RALGAPA1: variants seen among roughly 807,000 people sequenced by gnomAD.
RALGAPA1 encodes the protein Ral GTPase activating protein catalytic subunit alpha 1.
In RALGAPA1, 52 loss-of-function variants were observed where a neutral mutation model predicts 269.6. That is an observed-to-expected ratio of 0.19 (90% CI 0.15 to 0.24). The LOEUF (loss-of-function observed/expected upper bound fraction) is 0.24, where lower values mean the gene tolerates loss of function less well. Among genes scored for constraint, RALGAPA1 ranks in the 10% least tolerant of loss-of-function variants. The pLI is 1.00. For synonymous variants in RALGAPA1, 817 were observed against 1,008.3 expected (o/e 0.81, Z 3.60); for missense variants, 1,917 against 3,013.9 (o/e 0.64, Z 8.52).
chr14:35,732,335 C>T (rs954445045), intron 12 of RALGAPA1, among the ~76,000 whole-genome samples: 126 of 149,192 alleles, frequency 8.4e-4, no homozygotes, highest in African/African-American at 3.0e-3. Context: ...ATTTAAAAAT[C>T]GAAAACAAAA....
chr14:35,682,061 T>C lies in RALGAPA1; in HGVS notation c.4471+1748A>G, dbSNP rs150019520. Reference sequence around the variant, plus strand: ...TACAATTTATTTATCCACTCACCAATTGATGGACATTTGGTTTGTTTTCAA... The same window carrying C: ...TACAATTTATTTATCCACTCACCAACTGATGGACATTTGGTTTGTTTTCAA... On this transcript the variant is annotated intron_variant, in intron 21 of 41. Coordinates refer to ENST00000680220, the MANE Select transcript of RALGAPA1 (RefSeq NM_001346249.2). 2.1e-4 allele frequency among the ~76,000 whole-genome samples: 32 copies of C among 152,344 alleles called. 1 individual carries two copies. In the Middle Eastern group the frequency reaches 0.01, roughly 49 times the overall value.
chr14:35,633,059 G>C (rs1594899700), intron 33 of RALGAPA1, among the ~76,000 whole-genome samples: 1 of 152,180 alleles, frequency 6.6e-6, no homozygotes, highest in East Asian at 1.9e-4. Context: ...TCAATATTAA[G>C]CTAATCTATT....
intron 1 of RALGAPA1, among the ~76,000 whole-genome samples, chr14:35,780,360 A>G (rs371906625): frequency 1.3e-5 from 2 of 152,332 alleles, no homozygotes; most frequent in Non-Finnish European, 1.5e-5. Context: ...AAACAATACT[A>G]TAATGCAGCC....
Position 35,627,134 on chromosome 14 carries a change from G to A in RALGAPA1, c.6813C>T (p.Cys2271=). ...TTCCCAATATACTAAGAAGCAATCTGCAATAATAAAATGCTGACTGAGGTT... is the reference window on the plus strand; with the variant it reads ...TTCCCAATATACTAAGAAGCAATCTACAATAATAAAATGCTGACTGAGGTT... ...PQKPQSAFYY[C]RLLLSILGMN... Residue 2271 remains cysteine (C), a synonymous_variant, in exon 34 of 42, where the codon TGC becomes TGT. Coordinates refer to ENST00000680220, the MANE Select transcript of RALGAPA1 (RefSeq NM_001346249.2). 2 of 1,567,896 alleles carry A rather than the reference G, an allele frequency of 1.3e-6. No individual in the cohort carries two copies. Among genetic ancestry groups the A allele is most frequent in the Non-Finnish European group, 1.7e-6 (2 of 1,162,646 alleles).
At chr14:35,567,651 G>GA (rs906666899) in intron 39 of RALGAPA1, among the ~76,000 whole-genome samples, 1 of 151,168 alleles carries the variant, frequency 6.6e-6, no homozygotes, top group Non-Finnish European at 1.5e-5. Context: ...CAGGGATGTA[G>GA]AAAAAAAAAT....
chr14:35,673,433 G>A (rs1387892552), intron 24 of RALGAPA1, among the ~76,000 whole-genome samples: 1 of 152,016 alleles, frequency 6.6e-6, no homozygotes, highest in Non-Finnish European at 1.5e-5. Flanking sequence ...GCACACGCCT[G>A]TAGTAGTCTC....
chr14:35,541,341 G>C, intron 41 of RALGAPA1, among the ~76,000 whole-genome samples: 1 of 152,022 alleles, frequency 6.6e-6, no homozygotes, highest in Middle Eastern at 3.5e-3. Flanking sequence ...CACCGCACCC[G>C]GCCTTCAAAA....
In RALGAPA1 at chr14:35,678,042, G is replaced by A. The variant is rs1472071271; in HGVS notation, c.4532C>T (p.Pro1511Leu). The change falls in exon 22 of 42, where the codon CCT becomes CTT. Residue 1511 changes from proline to leucine, a missense_variant. This residue lies in a region of RALGAPA1 where 615 missense variants were observed against 790.0 expected (regional missense o/e 0.78). Transcript: ENST00000680220. ...PLGSRSQTPS[P>L]STLNIDHMEQ... ...CATGTGATCTATATTCAATGTAGAA[G>A]GGGAAGGAGTCTGTGACCTGGAGCC... is the stretch of plus-strand genomic sequence containing the variant. The A allele has an allele frequency of 1.9e-6, 3 of 1,611,832 alleles. No individual in the cohort carries two copies. Among genetic ancestry groups the A allele is most frequent in the Non-Finnish European group, 2.5e-6 (3 of 1,179,512 alleles).
At chr14:35,805,900 G>A (rs1414130097) in intron 1 of RALGAPA1, among the ~76,000 whole-genome samples, 1 of 151,878 alleles carries the variant, frequency 6.6e-6, no homozygotes, top group Non-Finnish European at 1.5e-5. Flanking sequence ...CTGTTGGCCA[G>A]GCTGGTCTTG....
intron 31 of RALGAPA1, among the ~76,000 whole-genome samples, chr14:35,648,698 T>A (rs1390414517): frequency 6.6e-6 from 1 of 152,080 alleles, no homozygotes; most frequent in African/African-American, 2.4e-5. Context: ...TTTTGGGGGC[T>A]GAGGTGGGAG....
chr14:35,806,785 A>G (rs1023254826), intron 1 of RALGAPA1, among the ~76,000 whole-genome samples: 1 of 152,188 alleles, frequency 6.6e-6, no homozygotes, highest in African/African-American at 2.4e-5. Context: ...ACTTCCAGAA[A>G]GGATTTTCCA....
chr14:35,634,125 T>G (rs564412261), intron 33 of RALGAPA1, among the ~76,000 whole-genome samples: 1 of 152,188 alleles, frequency 6.6e-6, no homozygotes, highest in East Asian at 1.9e-4. Context: ...AAAAAGAACT[T>G]CTAAGAATAA....
intron 17 of RALGAPA1, among the ~76,000 whole-genome samples, chr14:35,691,642 G>T (rs1251294578): frequency 6.6e-6 from 1 of 151,928 alleles, no homozygotes; most frequent in Non-Finnish European, 1.5e-5. Context: ...AGTATTTTTG[G>T]GATCCATGCT....
At chr14:35,637,805 T>C (rs932882951) in intron 31 of RALGAPA1, among the ~76,000 whole-genome samples, 1 of 152,016 alleles carries the variant, frequency 6.6e-6, no homozygotes. Context: ...GATAAAAGGA[T>C]TATAAAAGCA....
chr14:35,783,210 T>C (rs561367164), intron 1 of RALGAPA1, among the ~76,000 whole-genome samples: 3 of 151,922 alleles, frequency 2.0e-5, no homozygotes, highest in East Asian at 1.9e-4. Flanking sequence ...GATAGACATA[T>C]AGATGAATGG....
intron 1 of RALGAPA1, among the ~76,000 whole-genome samples, chr14:35,800,251 A>G (rs776251964): frequency 1.6e-4 from 24 of 152,346 alleles, no homozygotes; most frequent in Non-Finnish European, 2.9e-4. Context: ...CCTAATTGAC[A>G]TTTTTCGAAC....
At chr14:35,737,907 G>A (rs945517431) in intron 12 of RALGAPA1, among the ~76,000 whole-genome samples, 3 of 150,470 alleles carry the variant, frequency 2.0e-5, no homozygotes, top group East Asian at 2.0e-4. Context: ...GGCCAACATG[G>A]TGAAACCTTG....
intron 37 of RALGAPA1, among the ~76,000 whole-genome samples, chr14:35,575,873 C>A (rs557087224): frequency 6.6e-6 from 1 of 152,238 alleles, no homozygotes; most frequent in Admixed American, 6.5e-5. Flanking sequence ...GGATTACAGG[C>A]GTGAGCCACC....
chr14:35,797,516 G>A (rs942864120), intron 1 of RALGAPA1, among the ~76,000 whole-genome samples: 6 of 151,880 alleles, frequency 4.0e-5, no homozygotes, highest in African/African-American at 1.5e-4. Context: ...AACATGGTAG[G>A]GTGACAATAG....
Sources: gnomAD v4.1 joint callset for allele counts (sites outside exome capture counted in the v4.1 genomes callset) on GRCh38, gnomAD v4.1.1 for gene constraint, gnomAD v4.1.1 regional missense constraint, MANE v1.5 for transcripts, NCBI Gene and HGNC (gene_info 2026-07-23, HGNC 2026-07-21) for gene names.